The following RALGAPA1 variants were observed in gnomAD, a reference collection of about 807,000 sequenced individuals.
RALGAPA1 encodes Ral GTPase activating protein catalytic subunit alpha 1.
Under a neutral mutation model 269.6 loss-of-function variants are expected in RALGAPA1, and 52 were observed. The observed-to-expected ratio is 0.19, with a 90% confidence interval of 0.15 to 0.24. The LOEUF is 0.24. Ranked by LOEUF, RALGAPA1 falls within the 10% of genes least tolerant of loss-of-function variation. The pLI is 1.00. For synonymous variants in RALGAPA1, 817 were observed against 1,008.3 expected (o/e 0.81, Z 3.60); for missense variants, 1,917 against 3,013.9 (o/e 0.64, Z 8.52).
At chr14:35,660,415 A>G (rs2063462886) in intron 27 of RALGAPA1, among the ~76,000 whole-genome samples, 1 of 152,082 alleles carries the variant, frequency 6.6e-6, no homozygotes, top group Non-Finnish European at 1.5e-5. Context: ...ATAGCATCGA[A>G]AACATCAAAA....
At chr14:35,681,152 C>G (rs1448949239) in intron 21 of RALGAPA1, among the ~76,000 whole-genome samples, 1 of 152,028 alleles carries the variant, frequency 6.6e-6, no homozygotes, top group Admixed American at 6.5e-5. Flanking sequence ...AGTACTATTG[C>G]GTTAGTAGTA....
At position 35,758,152 on chromosome 14, in the gene RALGAPA1, C is replaced by T. The variant is rs116529149; in HGVS notation, c.548-1244G>A. 5.4e-3 allele frequency among the ~76,000 whole-genome samples: 759 copies of T among 141,624 alleles called. 7 individuals carry two copies. Among genetic ancestry groups the T allele is most frequent in the African/African-American group, 0.019 (699 of 37,748 alleles). 92.9% of individuals were successfully genotyped at this position (141,624 alleles called of 152,430 possible). On this transcript the variant is annotated intron_variant, in intron 6 of 41. Coordinates refer to ENST00000680220, the MANE Select transcript of RALGAPA1 (RefSeq NM_001346249.2). ...CTGTAATCTCAGCTACTTTGGAGCA[C>T]GAGAATCGCTTGAACTGGGTGGTGG...
At chr14:35,799,137 A>G (rs1267225166) in intron 1 of RALGAPA1, among the ~76,000 whole-genome samples, 2 of 152,214 alleles carry the variant, frequency 1.3e-5, no homozygotes, top group Admixed American at 6.5e-5. Flanking sequence ...TGATAACATG[A>G]TAAGTAAAAT....
chr14:35,622,065 A>C (rs1420864917), intron 35 of RALGAPA1, among the ~76,000 whole-genome samples: 1 of 152,196 alleles, frequency 6.6e-6, no homozygotes, highest in Non-Finnish European at 1.5e-5. Flanking sequence ...ACATGTACAC[A>C]TATGTTTACT....
intron 1 of RALGAPA1, among the ~76,000 whole-genome samples, chr14:35,793,182 C>T (rs73235262): frequency 0.018 from 2,761 of 151,822 alleles, 83 homozygotes; most frequent in African/African-American, 0.063. Context: ...GATGGTGATG[C>T]CATTTATTAA....
rs374466655 is a variant in RALGAPA1, at chr14:35,797,142, C to A, written c.106+11588G>T. Among the ~76,000 whole-genome samples the A allele has an allele frequency of 5.3e-3, 798 of 151,328 alleles. 1 individual carries two copies. The highest frequency in any genetic ancestry group is 0.018 in the African/African-American group (731 of 41,308). ...GGCCGAGGCAGGCAGATCACAAGGCCAAGAGATCAAAACCATCCTGGCCAA... is the reference window on the plus strand; with the variant it reads ...GGCCGAGGCAGGCAGATCACAAGGCAAAGAGATCAAAACCATCCTGGCCAA... On this transcript the variant is annotated intron_variant, in intron 1 of 41. Transcript: ENST00000680220.
intron 35 of RALGAPA1, among the ~76,000 whole-genome samples, chr14:35,621,805 C>T (rs2060648031): frequency 6.6e-6 from 1 of 152,158 alleles, no homozygotes; most frequent in African/African-American, 2.4e-5. Flanking sequence ...AAATCAAAAC[C>T]ACAATGAGAT....
chr14:35,618,117 C>A (rs1395415977), intron 35 of RALGAPA1, among the ~76,000 whole-genome samples: 1 of 151,984 alleles, frequency 6.6e-6, no homozygotes, highest in Non-Finnish European at 1.5e-5. Flanking sequence ...AAACTTTAAG[C>A]AACAGATAAT....
At position 35,679,754 on chromosome 14, in the gene RALGAPA1, AT is replaced by A. The variant is rs1161276743; in HGVS notation, c.4472-1653del. Among the ~76,000 whole-genome samples, 11 of 152,082 alleles carry A rather than the reference AT, an allele frequency of 7.2e-5. No individual in the cohort carries two copies. The South Asian group carries it at 1.7e-3, about 23-fold the overall frequency. On this transcript the variant is annotated intron_variant, in intron 21 of 41. Transcript: ENST00000680220. ...GTGCAATTCCACATATCATACAGGC[AT>A]TTTTTTTAAGTAGTAGCACAGTAAG...
chr14:35,746,556 A>T (rs2072120406), intron 10 of RALGAPA1, among the ~76,000 whole-genome samples: 2 of 152,174 alleles, frequency 1.3e-5, no homozygotes, highest in African/African-American at 4.8e-5. Flanking sequence ...GGTATACCTC[A>T]ATAAAGTTGG....
At chr14:35,637,966 T>C (rs1401161713) in intron 31 of RALGAPA1, among the ~76,000 whole-genome samples, 1 of 152,180 alleles carries the variant, frequency 6.6e-6, no homozygotes, top group Non-Finnish European at 1.5e-5. Context: ...ATATATCCAG[T>C]GAAAATATCC....
chr14:35,649,013 C>T (rs993542147), intron 31 of RALGAPA1, among the ~76,000 whole-genome samples: 7 of 152,184 alleles, frequency 4.6e-5, no homozygotes, highest in African/African-American at 1.7e-4. Context: ...TACTATATCG[C>T]CTTAAGTGAT....
In RALGAPA1 at chr14:35,766,632, G is replaced by A. The variant is rs1409659581; in HGVS notation, c.326-3879C>T. On this transcript the variant is annotated intron_variant, in intron 4 of 41. Coordinates refer to ENST00000680220, the MANE Select transcript of RALGAPA1 (RefSeq NM_001346249.2). Reference sequence around the variant, plus strand: ...AGCCATGTATGCTGCAACCAGACGAGAAGGGTTCAATGATTTTGTAAGAGG... The same window carrying A: ...AGCCATGTATGCTGCAACCAGACGAAAAGGGTTCAATGATTTTGTAAGAGG... 5.5e-6 allele frequency: 4 copies of A among 724,450 alleles called. No individual in the cohort carries two copies. The East Asian group carries it at 1.1e-4, about 20-fold the overall frequency. 44.9% of individuals were successfully genotyped at this position (724,450 alleles called of 1,614,324 possible).
rs184739365 is a variant in RALGAPA1, at chr14:35,732,922, T to A, written c.1588-4412A>T. 1.1e-4 allele frequency among the ~76,000 whole-genome samples: 17 copies of A among 152,226 alleles called. 1 individual carries two copies. The highest frequency in any genetic ancestry group is 3.6e-4 in the African/African-American group (15 of 41,542). ...GACTTAACAGATATATACAGAACAT[T>A]TCATCCAACAACTGCAGAATACACA... On this transcript the variant is annotated intron_variant, in intron 12 of 41. Coordinates refer to ENST00000680220, the MANE Select transcript of RALGAPA1 (RefSeq NM_001346249.2).
chr14:35,683,526 C>T, intron 21 of RALGAPA1: 1 of 236,520 alleles, frequency 4.2e-6, no homozygotes, highest in Non-Finnish European at 8.2e-6. Flanking sequence ...TATTATGTTC[C>T]CATTAAAATT....
Position 35,771,008 on chromosome 14 carries a change from C to A in RALGAPA1, c.268-9G>T. The A allele has an allele frequency of 4.0e-6, 5 of 1,243,314 alleles. No individual in the cohort carries two copies. Among genetic ancestry groups the A allele is most frequent in the South Asian group, 2.8e-5 (2 of 70,314 alleles). The allele number at this position is 1,243,314 out of a possible 1,614,324, so 77.0% of individuals were successfully genotyped here. ...AGAAGTTGTAAAATTTTCTAAAAAT[C>A]AATATAAAGAGAAAAAAAGAAAAGA... On this transcript the variant is annotated splice_polypyrimidine_tract_variant and intron_variant, in intron 3 of 41. Coordinates refer to ENST00000680220, the MANE Select transcript of RALGAPA1 (RefSeq NM_001346249.2).
chr14:35,715,322 T>C (rs2068716872), intron 16 of RALGAPA1, among the ~76,000 whole-genome samples: 1 of 152,160 alleles, frequency 6.6e-6, no homozygotes, highest in Non-Finnish European at 1.5e-5. Context: ...ATATCTTATG[T>C]GTTGCTTAAT....
chr14:35,645,772 G>A (rs1407559048), intron 31 of RALGAPA1, among the ~76,000 whole-genome samples: 1 of 151,290 alleles, frequency 6.6e-6, no homozygotes, highest in Non-Finnish European at 1.5e-5. Flanking sequence ...CAATGTGCAT[G>A]CCTAGTTCTT....
intron 13 of RALGAPA1, 71 bp from the exon 14 acceptor site, chr14:35,725,224 A>G: frequency 1.9e-6 from 2 of 1,064,190 alleles, no homozygotes; most frequent in South Asian, 4.8e-5. Flanking sequence ...TTAACTTTCA[A>G]ATACATACTT....
Sources: allele counts gnomAD v4.1 joint callset (sites outside exome capture counted in the v4.1 genomes callset), GRCh38; gene constraint gnomAD v4.1.1; transcripts MANE v1.5; gene names NCBI Gene and HGNC (gene_info 2026-07-23, HGNC 2026-07-21).